TP53INP1: variants seen among roughly 807,000 people sequenced by gnomAD.
The protein encoded by TP53INP1 is tumor protein p53 inducible nuclear protein 1, also known as tumor protein p53-inducible nuclear protein 1.
TP53INP1 carries 12 observed loss-of-function variants against 21.0 expected under a neutral mutation model. The observed-to-expected ratio is 0.57, with a 90% confidence interval of 0.37 to 0.93. TP53INP1 has a LOEUF of 0.93. Ranked by LOEUF, TP53INP1 falls within the 40% of genes least tolerant of loss-of-function variation. TP53INP1 has a pLI of 0.01. For synonymous variants in TP53INP1, 91 were observed against 94.8 expected (o/e 0.96, Z 0.23); for missense variants, 274 against 294.7 (o/e 0.93, Z 0.51).
intron 3 of TP53INP1, among the ~76,000 whole-genome samples, chr8:94,932,363 C>T (rs1820494061): frequency 6.6e-6 from 1 of 152,114 alleles, no homozygotes; most frequent in Non-Finnish European, 1.5e-5. Flanking sequence ...TGGTAATATC[C>T]CCAATGATAG....
rs758656360 is a variant in TP53INP1, at chr8:94,939,855, C to T, written c.473+5G>A. The T allele has an allele frequency of 1.6e-5, 26 of 1,606,294 alleles. No individual in the cohort carries two copies. Among genetic ancestry groups the T allele is most frequent in the Admixed American group, 1.7e-5 (1 of 59,640 alleles). ...CCTACAGAGAGTTAAATACTTGTAA[C>T]GTACCTGGGACTACTTGGGCTATGT... On this transcript the variant is annotated splice_donor_5th_base_variant and intron_variant, in intron 3 of 3. Coordinates refer to ENST00000342697, the MANE Select transcript of TP53INP1 (RefSeq NM_033285.4).
At chr8:94,935,574 G>T (rs1208298761) in intron 3 of TP53INP1, among the ~76,000 whole-genome samples, 3 of 152,204 alleles carry the variant, frequency 2.0e-5, no homozygotes, top group African/African-American at 7.2e-5. Context: ...AATGGGCAAG[G>T]ATCTATTTCT....
chr8:94,937,328 C>T (rs897527816), intron 3 of TP53INP1, among the ~76,000 whole-genome samples: 3 of 151,638 alleles, frequency 2.0e-5, no homozygotes, highest in Non-Finnish European at 4.4e-5. Context: ...GTAATCCCAG[C>T]TACTTGGGAG....
intron 3 of TP53INP1, among the ~76,000 whole-genome samples, chr8:94,938,825 T>G (rs1046834945): frequency 1.3e-5 from 2 of 152,190 alleles, no homozygotes; most frequent in African/African-American, 4.8e-5. Context: ...AGCAAATTAA[T>G]CAAACCCAAG....
chr8:94,930,869 G>T (rs2945555), intron 3 of TP53INP1, 141 bp from the exon 4 acceptor site: 1 of 1,021,716 alleles, frequency 9.8e-7, no homozygotes, highest in Non-Finnish European at 1.4e-6. Flanking sequence ...TGACAGACAA[G>T]TTTATTATTC....
Position 94,940,893 on chromosome 8 carries a change from AG to A in TP53INP1, c.48del (p.Ser17ProfsTer21). ...TCATTGAATTCTGGTTCTTGGTTGG[AG>A]GAAGAACTGACTTCACCCACAAACA... ...NKMFVGEVSS[S>X]SNQEPEFNEK... is the part of the protein sequence containing the mutation. On this transcript the variant is annotated frameshift_variant, in exon 2 of 4. Coordinates refer to ENST00000342697, the MANE Select transcript of TP53INP1 (RefSeq NM_033285.4). LOFTEE classifies it high-confidence loss of function. 6.2e-7 allele frequency: 1 copy of A among 1,613,906 alleles called. No individual in the cohort carries two copies.
At chr8:94,940,554 C>T (rs528303464) in intron 2 of TP53INP1, among the ~76,000 whole-genome samples, 5 of 152,134 alleles carry the variant, frequency 3.3e-5, no homozygotes, top group Admixed American at 2.6e-4. Context: ...TGTAATGAGA[C>T]ATATTGGTTA....
rs1233412253 is a variant in TP53INP1, at chr8:94,932,041, TCA to T, written c.474-1315_474-1314del. The stretch of plus-strand genomic sequence containing the variant: ...CTTTGCCTCCCTATGCATACATATA[TCA>T]CACAGTCTCAAAGTGAATATACTTA... On this transcript the variant is annotated intron_variant, in intron 3 of 3. Coordinates refer to ENST00000342697, the MANE Select transcript of TP53INP1 (RefSeq NM_033285.4). 4 of 1,601,852 alleles carry T rather than the reference TCA, an allele frequency of 2.5e-6. No homozygotes were observed. The African/African-American group carries it at 5.3e-5, about 21-fold the overall frequency.
At chr8:94,931,503 T>C (rs1360545803) in intron 3 of TP53INP1, among the ~76,000 whole-genome samples, 1 of 152,118 alleles carries the variant, frequency 6.6e-6, no homozygotes, top group African/African-American at 2.4e-5. Context: ...CATGAAGAGC[T>C]GTATGATTTT....
chr8:94,949,142 C>CGCCT lies in TP53INP1; in HGVS notation c.-151+11_-151+12insAGGC, dbSNP rs572827485. On this transcript the variant is annotated intron_variant, in intron 1 of 3. Coordinates refer to ENST00000342697, the MANE Select transcript of TP53INP1 (RefSeq NM_033285.4). ...CTGGACGGACGCCCGCCCGCCCCCC[C>CGCCT]CCGGCACTTACGTGGGCCCGGGCCG... 1 of 149,524 alleles carries CGCCT rather than the reference C, an allele frequency of 6.7e-6. No individual in the cohort carries two copies. The highest frequency in any genetic ancestry group is 2.4e-5 in the African/African-American group (1 of 41,126). 9.3% of individuals were successfully genotyped at this position (149,524 alleles called of 1,614,324 possible). A position where few individuals can be genotyped will look rare whatever the true frequency, so the allele number is the denominator to read the frequency against.
chr8:94,931,975 A>C (rs1586694639), intron 3 of TP53INP1: 1 of 1,315,954 alleles, frequency 7.6e-7, no homozygotes. Context: ...CCATCTCAAA[A>C]AAAGAAAGAA....
chr8:94,933,834 T>TGGGGGGGG (rs572867137), intron 3 of TP53INP1, among the ~76,000 whole-genome samples: 1 of 59,022 alleles, frequency 1.7e-5, no homozygotes, highest in African/African-American at 6.2e-5. Flanking sequence ...CAGCACTTTG[T>TGGGGGGGG]GGGGGGGGGG....
intron 3 of TP53INP1, among the ~76,000 whole-genome samples, chr8:94,937,872 T>C (rs1197165945): frequency 6.6e-6 from 1 of 152,200 alleles, no homozygotes; most frequent in African/African-American, 2.4e-5. Flanking sequence ...TTTGTACCTA[T>C]GTCACCTTAC....
intron 3 of TP53INP1, 103 bp from the exon 4 acceptor site, chr8:94,930,831 G>A (rs1820323944): frequency 7.9e-7 from 1 of 1,273,784 alleles, no homozygotes; most frequent in East Asian, 2.5e-5. Context: ...ATTTGTTTAT[G>A]GCTGAATGAG....
intron 3 of TP53INP1, chr8:94,932,185 G>A: frequency 1.3e-6 from 2 of 1,491,076 alleles, no homozygotes; most frequent in Admixed American, 1.9e-5. Flanking sequence ...TTAGGACGTG[G>A]TCAACTTTTA....
chr8:94,931,089 C>T (rs749966192), intron 3 of TP53INP1, among the ~76,000 whole-genome samples: 1 of 152,168 alleles, frequency 6.6e-6, no homozygotes, highest in Non-Finnish European at 1.5e-5. Flanking sequence ...AATTCTTTTG[C>T]AAATATATAT....
At position 94,940,688 on chromosome 8, in the gene TP53INP1, C is replaced by G. The variant is rs567547271; in HGVS notation, c.112+142G>C. On this transcript the variant is annotated intron_variant, in intron 2 of 3. Transcript: ENST00000342697. ...TGACATTATCTAGCACAGATGGTTT[C>G]CTGCAATTTTTTAAAGACAAACTCC... The G allele has an allele frequency of 1.6e-4, 99 of 630,310 alleles. No homozygotes were observed. The Middle Eastern group carries it at 4.7e-3, about 30-fold the overall frequency. 39.0% of individuals were successfully genotyped at this position (630,310 alleles called of 1,614,324 possible). A position where few individuals can be genotyped will look rare whatever the true frequency, so the allele number is the denominator to read the frequency against.
intron 3 of TP53INP1, among the ~76,000 whole-genome samples, chr8:94,931,891 G>T (rs1189193130): frequency 6.6e-6 from 1 of 152,112 alleles, no homozygotes; most frequent in Non-Finnish European, 1.5e-5. Context: ...AGAATCACTT[G>T]AATCTGGGGG....
chr8:94,930,741 A>G lies in TP53INP1; in HGVS notation c.474-13T>C. The G allele has an allele frequency of 6.2e-7, 1 of 1,612,896 alleles. No individual in the cohort carries two copies. Among genetic ancestry groups the G allele is most frequent in the Middle Eastern group, 1.7e-4 (1 of 5,996 alleles). Reference sequence around the variant, plus strand: ...TTGAGCTTCCACTCTGAAACAGAAAAAAGTGGGGATGTATTAAATAACAGA... The same window carrying G: ...TTGAGCTTCCACTCTGAAACAGAAAGAAGTGGGGATGTATTAAATAACAGA... On this transcript the variant is annotated splice_polypyrimidine_tract_variant and intron_variant, in intron 3 of 3. Coordinates refer to ENST00000342697, the MANE Select transcript of TP53INP1 (RefSeq NM_033285.4).
Sources: gnomAD v4.1 joint callset for allele counts (sites outside exome capture counted in the v4.1 genomes callset) on GRCh38, gnomAD v4.1.1 for gene constraint, MANE v1.5 for transcripts, NCBI Gene and HGNC (gene_info 2026-07-23, HGNC 2026-07-21) for gene names.